The following ZNF75D variants were observed in gnomAD, a reference collection of about 807,000 sequenced individuals.
ZNF75D encodes zinc finger protein 75D.
Under a neutral mutation model 33.3 loss-of-function variants are expected in ZNF75D, and 33 were observed. The observed-to-expected ratio is 0.99, with a 90% CI of 0.75 to 1.32. The LOEUF (loss-of-function observed/expected upper bound fraction) is 1.32. Ranked by LOEUF, ZNF75D falls within the 40% of genes most tolerant of loss-of-function variation. The probability of loss-of-function intolerance (pLI) is 0.00; values close to 1 mark genes in which losing one functional copy is unlikely to be tolerated. For missense variants in ZNF75D, 338 were observed against 367.5 expected (o/e 0.92, Z 0.66); for synonymous variants, 113 against 130.6 (o/e 0.87, Z 0.92).
intron 1 of ZNF75D, among the ~76,000 whole-genome samples, chrX:135,260,885 G>C (rs2083838034): frequency 8.9e-6 from 1 of 111,759 alleles, no homozygotes; most frequent in Non-Finnish European, 1.9e-5. Context: ...TTTTAATTGT[G>C]ATGTTAGGGT....
At chrX:135,297,719 C>A (rs905683982) in intron 1 of ZNF75D, 1 of 111,894 alleles carries the variant, frequency 8.9e-6, no homozygotes, top group Non-Finnish European at 1.9e-5. Context: ...AACCCACAAA[C>A]CAAGAATGCG....
At chrX:135,292,621 T>G in intron 3 of ZNF75D, 148 bp from the exon 4 acceptor site, 1 of 473,735 alleles carries the variant, frequency 2.1e-6, no homozygotes, top group Non-Finnish European at 3.4e-6. Context: ...TGTGCCACTA[T>G]GTTCTCATAA....
At chrX:135,320,145 T>A (rs1216338263) in intron 1 of ZNF75D, among the ~76,000 whole-genome samples, 2 of 110,508 alleles carry the variant, frequency 1.8e-5, no homozygotes, top group Non-Finnish European at 3.8e-5. Context: ...GTACAAAAAT[T>A]AGCTGGGCAT....
chrX:135,312,488 T>C (rs1367542769), intron 1 of ZNF75D, among the ~76,000 whole-genome samples: 2 of 112,289 alleles, frequency 1.8e-5, no homozygotes, highest in African/African-American at 6.5e-5. Flanking sequence ...ACATACAGAT[T>C]TCTTTTCCTT....
chrX:135,263,585 C>T lies in ZNF75D; in HGVS notation n.828-7808G>A, dbSNP rs181624969. ...GATCGAACTCAGACTGCTGGGCTAG[C>T]AGTAAGCAAGGCTCCGTGGGTGTGG... On this transcript the variant is annotated intron_variant and non_coding_transcript_variant, in intron 1 of 3. Coordinates refer to the ZNF75D transcript ENST00000494295. 2.0e-3 allele frequency among the ~76,000 whole-genome samples: 223 copies of T among 112,973 alleles called. 2 individuals are homozygous for T. Among genetic ancestry groups the T allele is most frequent in the African/African-American group, 7.1e-3 (221 of 31,173 alleles).
intron 4 of ZNF75D, 107 bp downstream of exon 4, chrX:135,292,174 C>G: frequency 2.5e-6 from 2 of 805,773 alleles, no homozygotes; most frequent in Non-Finnish European, 3.7e-6. Flanking sequence ...TGGGAGACAT[C>G]ATAGCTGCTA....
intron 1 of ZNF75D, among the ~76,000 whole-genome samples, chrX:135,322,142 G>C (rs1180718302): frequency 8.9e-6 from 1 of 112,015 alleles, no homozygotes; most frequent in Non-Finnish European, 1.9e-5. Flanking sequence ...TGGACACTCA[G>C]CTGGACCGGC....
At chrX:135,261,600 CAG>C (rs2083842516) in intron 1 of ZNF75D, among the ~76,000 whole-genome samples, 1 of 111,642 alleles carries the variant, frequency 9.0e-6, no homozygotes, top group African/African-American at 3.3e-5. Flanking sequence ...TCTGTTTTAT[CAG>C]AGAGTAGGGT....
intron 3 of ZNF75D, 34 bp downstream of exon 3, chrX:135,293,696 C>CTTCA: frequency 1.8e-6 from 2 of 1,133,515 alleles, no homozygotes; most frequent in Non-Finnish European, 2.4e-6. Context: ...TTTTATCCTA[C>CTTCA]TTCATTGTAC....
chrX:135,296,386 C>A (rs187806036), intron 1 of ZNF75D, among the ~76,000 whole-genome samples: 236 of 111,722 alleles, frequency 2.1e-3, no homozygotes, highest in African/African-American at 7.4e-3. Context: ...GGCTTCCTGG[C>A]GGCTGGCAGC....
Position 135,287,753 on chromosome X carries a change from G to A in ZNF75D, c.917C>T (p.Thr306Ile). ...TGTTTTCTGGGCAATTTTCATTCTG[G>A]TCTTTTTTGATACTTCGCATCCTGA... ...QTSGCEVSKK[T>I]RMKIAQKTMG... Residue 306 changes from threonine to isoleucine, a missense_variant, in exon 7 of 7, where the codon ACC becomes ATC. Thr to Ile is a moderately conservative substitution (Grantham distance 89, BLOSUM62 -1). Transcript: ENST00000370766. 2 of 1,211,160 alleles carry A rather than the reference G, an allele frequency of 1.7e-6. No homozygotes were observed. The highest frequency in any genetic ancestry group is 2.2e-6 in the Non-Finnish European group (2 of 894,966).
At chrX:135,256,592 C>G (rs2083801613) in intron 1 of ZNF75D, among the ~76,000 whole-genome samples, 1 of 111,694 alleles carries the variant, frequency 9.0e-6, no homozygotes, top group African/African-American at 3.3e-5. Context: ...TAAGGAAATC[C>G]TAGTGCTGGA....
intron 2 of ZNF75D, among the ~76,000 whole-genome samples, chrX:135,294,515 T>G (rs1356837801): frequency 9.0e-6 from 1 of 111,175 alleles, no homozygotes; most frequent in Non-Finnish European, 1.9e-5. Context: ...CCTGTTTTTT[T>G]TTTTAACAGT....
intron 1 of ZNF75D, among the ~76,000 whole-genome samples, chrX:135,322,562 A>T (rs1297626073): frequency 8.9e-6 from 1 of 112,227 alleles, no homozygotes; most frequent in Non-Finnish European, 1.9e-5. Flanking sequence ...AGATAGACAG[A>T]TAGGATAGAT....
chrX:135,341,512 T>C (rs1556444732), intron 1 of ZNF75D, among the ~76,000 whole-genome samples: 1 of 111,773 alleles, frequency 8.9e-6, no homozygotes, highest in African/African-American at 3.3e-5. Context: ...TCTAAACTTA[T>C]CCTATGGTTA....
intron 1 of ZNF75D, among the ~76,000 whole-genome samples, chrX:135,337,853 G>A: frequency 9.0e-6 from 1 of 111,204 alleles, no homozygotes; most frequent in East Asian, 2.8e-4. Flanking sequence ...CTAGACTCAG[G>A]GCAAAGGAGG....
At chrX:135,301,092 A>C (rs2084212163) in intron 1 of ZNF75D, among the ~76,000 whole-genome samples, 1 of 112,003 alleles carries the variant, frequency 8.9e-6, no homozygotes, top group Non-Finnish European at 1.9e-5. Context: ...GTGAAGGGGA[A>C]GCAGGCACCT....
chrX:135,264,881 T>C (rs782386106), intron 1 of ZNF75D, among the ~76,000 whole-genome samples: 2 of 111,733 alleles, frequency 1.8e-5, no homozygotes, highest in Non-Finnish European at 3.8e-5. Context: ...CAGTGAAGAA[T>C]GCCTACAGGA....
At chrX:135,300,419 A>G (rs1298921544) in intron 1 of ZNF75D, among the ~76,000 whole-genome samples, 2 of 111,903 alleles carry the variant, frequency 1.8e-5, no homozygotes, top group Non-Finnish European at 3.8e-5. Flanking sequence ...AAAAGGGGAA[A>G]GTCAGAAGTG....
Sources: gnomAD v4.1 joint callset for allele counts (sites outside exome capture counted in the v4.1 genomes callset) on GRCh38, gnomAD v4.1.1 for gene constraint, MANE v1.5 for transcripts, NCBI Gene and HGNC (gene_info 2026-07-23, HGNC 2026-07-21) for gene names.